ESPNL: variants seen among roughly 807,000 people sequenced by gnomAD.
The protein encoded by ESPNL is espin like.
ESPNL carries 49 observed loss-of-function variants against 46.8 expected under a neutral mutation model. The ratio of observed to expected loss-of-function variants is 1.05; its 90% confidence interval spans 0.83 to 1.33. The LOEUF is 1.33. ESPNL is among the 40% of genes most tolerant of loss of function. The pLI, the probability that ESPNL is intolerant of heterozygous loss-of-function variation, is 0.00. For synonymous variants in ESPNL, 664 were observed against 662.1 expected (o/e 1.00, Z -0.04); for missense variants, 1,540 against 1,436.6 (o/e 1.07, Z -1.16).
intron 6 of ESPNL, among the ~76,000 whole-genome samples, chr2:238,127,019 GTGTT>G (rs1220524898): frequency 6.6e-6 from 1 of 151,192 alleles, no homozygotes; most frequent in Admixed American, 6.6e-5. Flanking sequence ...GTGTGTGATT[GTGTT>G]TGTGTGTCTG....
intron 5 of ESPNL, among the ~76,000 whole-genome samples, chr2:238,124,980 G>A (rs1249692061): frequency 1.3e-5 from 2 of 152,180 alleles, no homozygotes; most frequent in African/African-American, 2.4e-5. Context: ...GCCTCCAGAG[G>A]GAGCCTGGAA....
At position 238,131,964 on chromosome 2, in the gene ESPNL, T is replaced by A; in HGVS notation, c.*232T>A. The A allele has an allele frequency of 2.0e-6, 1 of 495,404 alleles. No individual in the cohort carries two copies. The highest frequency in any genetic ancestry group is 3.5e-6 in the Non-Finnish European group (1 of 283,714). 30.7% of individuals were successfully genotyped at this position (495,404 alleles called of 1,614,324 possible). A position where few individuals can be genotyped will look rare whatever the true frequency, so the allele number is the denominator to read the frequency against. On this transcript the variant is annotated 3_prime_UTR_variant, in exon 9 of 9. Coordinates refer to ENST00000343063, the MANE Select transcript of ESPNL (RefSeq NM_194312.4). ...GGAAGCCCCTTGGCAGGTCCTGAAG[T>A]GAGGCAATGGGCCACCCCAGTCCAG...
At chr2:238,109,539 A>G (rs924315813) in intron 4 of ESPNL, among the ~76,000 whole-genome samples, 1 of 152,174 alleles carries the variant, frequency 6.6e-6, no homozygotes, top group Non-Finnish European at 1.5e-5. Flanking sequence ...AATTTTGTAG[A>G]GATGGGAGTC....
chr2:238,127,383 T>C (rs367556668), intron 6 of ESPNL: 1 of 1,286,230 alleles, frequency 7.8e-7, no homozygotes, highest in East Asian at 3.3e-5. Flanking sequence ...GGCCGCGGCG[T>C]GGCCCAGCGG....
intron 4 of ESPNL, among the ~76,000 whole-genome samples, chr2:238,115,967 C>T (rs879024544): frequency 5.9e-5 from 9 of 152,338 alleles, no homozygotes; most frequent in East Asian, 3.9e-4. Context: ...CCACTGCGCC[C>T]GGCCAAGGGT....
intron 5 of ESPNL, among the ~76,000 whole-genome samples, chr2:238,124,795 G>GTGTGTGCAGGAGAGTGTACGTGCA (rs1166522709): frequency 1.3e-5 from 2 of 151,958 alleles, no homozygotes; most frequent in South Asian, 2.1e-4. Flanking sequence ...GTACGTGCGT[G>GTGTGTGCAGGAGAGTGTACGTGCA]TGTGTGCAGG....
chr2:238,131,509 G>C lies in ESPNL; in HGVS notation c.2795G>C (p.Arg932Pro). Reference protein sequence around the residue: ...IKARFFGSSQRPAWDTEPGRK... With the variant: ...IKARFFGSSQPPAWDTEPGRK... ...GCCCGCTTCTTTGGCTCCAGCCAGC[G>C]TCCCGCCTGGGATACGGAGCCTGGC... is the stretch of plus-strand genomic sequence containing the variant. The change falls in exon 9 of 9, where the codon CGT becomes CCT. Residue 932 changes from arginine (R) to proline (P), a missense_variant. By Grantham distance (103) the Arg-to-Pro change is moderately radical. Coordinates refer to ENST00000343063, the MANE Select transcript of ESPNL (RefSeq NM_194312.4). 1 of 1,611,666 alleles carries C rather than the reference G, an allele frequency of 6.2e-7. No individual in the cohort carries two copies. The highest frequency in any genetic ancestry group is 1.1e-5 in the South Asian group (1 of 91,020).
intron 4 of ESPNL, among the ~76,000 whole-genome samples, chr2:238,109,272 A>G (rs1439332294): frequency 6.6e-6 from 1 of 152,256 alleles, no homozygotes. Flanking sequence ...AATATTTGAT[A>G]GCAGCCCAAG....
chr2:238,125,312 C>T lies in ESPNL; in HGVS notation c.1030C>T (p.Pro344Ser), dbSNP rs1244491973. The T allele has an allele frequency of 4.5e-6, 7 of 1,568,560 alleles. No homozygotes were observed. The highest frequency in any genetic ancestry group is 3.5e-6 in the Non-Finnish European group (4 of 1,157,396). Residue 344 changes from proline (P) to serine (S), a missense_variant, in exon 6 of 9, where the codon CCT becomes TCT. By Grantham distance (74) the Pro-to-Ser change is moderately conservative. Coordinates refer to ENST00000343063, the MANE Select transcript of ESPNL (RefSeq NM_194312.4). Reference sequence around the variant, plus strand: ...GCCCCCACCACCACCGTTCCCCCCACCTCCACTGTTGGCCACGAGGCGCTC... The same window carrying T: ...GCCCCCACCACCACCGTTCCCCCCATCTCCACTGTTGGCCACGAGGCGCTC... Reference protein sequence around the residue: ...MTPPPPPFPPPPLLATRRSLE... With the variant: ...MTPPPPPFPPSPLLATRRSLE...
chr2:238,116,875 G>A (rs1308820722), intron 4 of ESPNL, 28 bp from the exon 5 acceptor site: 6 of 1,609,222 alleles, frequency 3.7e-6, no homozygotes, highest in Non-Finnish European at 4.2e-6. Context: ...TGTCGTGGTG[G>A]GTCACATGTG....
intron 5 of ESPNL, among the ~76,000 whole-genome samples, chr2:238,123,724 C>T (rs1002378838): frequency 6.6e-5 from 10 of 152,212 alleles, no homozygotes; most frequent in Admixed American, 1.3e-4. Flanking sequence ...CTGCAGTTCG[C>T]GTCTGAGGGC....
intron 5 of ESPNL, among the ~76,000 whole-genome samples, chr2:238,118,361 G>GGTT (rs1691869998): frequency 9.9e-6 from 1 of 101,306 alleles, no homozygotes; most frequent in Non-Finnish European, 2.0e-5. Context: ...GATGGAGGAG[G>GGTT]AATGGATGGA....
In ESPNL at chr2:238,104,798, C is replaced by T. The variant is rs1488735150; in HGVS notation, c.628C>T (p.His210Tyr). ...LRALDGMSALHAAAARGHYSL... is the reference protein window; with the variant it reads ...LRALDGMSALYAAAARGHYSL... The stretch of plus-strand genomic sequence containing the variant: ...TGCTCTCGATGGCATGAGCGCCCTG[C>T]ACGCTGCCGCCGCCCGTGGCCACTA... Residue 210 changes from histidine to tyrosine, a missense_variant, in exon 3 of 9, where the codon CAC becomes TAC. By Grantham distance (83) the His-to-Tyr change is moderately conservative. Coordinates refer to ENST00000343063, the MANE Select transcript of ESPNL (RefSeq NM_194312.4). 1 of 1,570,154 alleles carries T rather than the reference C, an allele frequency of 6.4e-7. No individual in the cohort carries two copies. Among genetic ancestry groups the T allele is most frequent in the Non-Finnish European group, 8.6e-7 (1 of 1,160,154 alleles).
chr2:238,127,813 A>G lies in ESPNL; in HGVS notation c.1215+79A>G. ...TTCCCATCCTCTTAGGGGCCCAGAG[A>G]AGCCCCCAGCACAGCCAGGCCTTTC... is the stretch of plus-strand genomic sequence containing the variant. On this transcript the variant is annotated intron_variant, in intron 7 of 8. Transcript: ENST00000343063. 21 of 1,139,538 alleles carry G rather than the reference A, an allele frequency of 1.8e-5. No homozygotes were observed. In the South Asian group the frequency reaches 3.0e-4, roughly 16 times the overall value. 70.6% of individuals were successfully genotyped at this position (1,139,538 alleles called of 1,614,324 possible).
Position 238,127,841 on chromosome 2 carries a change from G to C in ESPNL, c.1215+107G>C, listed in dbSNP as rs570427724. ...CCCCCAGCACAGCCAGGCCTTTCCT[G>C]AAGGGTGGATGCCAGGCTGCCTGCG... is the stretch of plus-strand genomic sequence containing the variant. On this transcript the variant is annotated intron_variant, in intron 7 of 8. Transcript: ENST00000343063. The C allele has an allele frequency of 8.5e-6, 7 of 824,556 alleles. No individual in the cohort carries two copies. In the South Asian group the frequency reaches 1.0e-4, roughly 12 times the overall value. 51.1% of individuals were successfully genotyped at this position (824,556 alleles called of 1,614,324 possible).
chr2:238,130,244 G>A lies in ESPNL; in HGVS notation c.1530G>A (p.Leu510=). The A allele has an allele frequency of 6.2e-7, 1 of 1,610,922 alleles. No individual in the cohort carries two copies. Among genetic ancestry groups the A allele is most frequent in the Non-Finnish European group, 8.5e-7 (1 of 1,179,094 alleles). ...ELLTEDDLVY[L]EKQIADLQLR... ...TGACAGAGGATGACCTGGTCTACCT[G>A]GAGAAGCAGATTGCAGACCTGCAGC... The change falls in exon 9 of 9, where the codon CTG becomes CTA. Residue 510 remains leucine, a synonymous_variant. Transcript: ENST00000343063.
intron 2 of ESPNL, among the ~76,000 whole-genome samples, chr2:238,103,980 C>T (rs1256810101): frequency 6.6e-6 from 1 of 152,200 alleles, no homozygotes; most frequent in Admixed American, 6.5e-5. Context: ...TCCCCTCTGC[C>T]AGCTGAGGCC....
At chr2:238,100,743 C>T (rs62196013) in intron 1 of ESPNL, 30 bp downstream of exon 1, 550,931 of 1,395,528 alleles carry the variant, frequency 0.39, 116,461 homozygotes, top group Non-Finnish European at 0.43. Context: ...CCTGGCTCCA[C>T]GAAGCTGGCT....
At chr2:238,103,379 G>A (rs1338016896) in intron 2 of ESPNL, among the ~76,000 whole-genome samples, 1 of 152,096 alleles carries the variant, frequency 6.6e-6, no homozygotes. Context: ...CAGTAAGCTG[G>A]GATTGTGCCA....
Sources: gnomAD v4.1 joint callset for allele counts (sites outside exome capture counted in the v4.1 genomes callset) on GRCh38, gnomAD v4.1.1 for gene constraint, MANE v1.5 for transcripts, NCBI Gene and HGNC (gene_info 2026-07-23, HGNC 2026-07-21) for gene names.